Variants in GRIK2 observed in about 807,000 individuals in gnomAD.
GRIK2 encodes the protein glutamate ionotropic receptor kainate type subunit 2, also known as glutamate receptor ionotropic, kainate 2.
A neutral mutation model predicts 100.3 loss-of-function variants in GRIK2; 32 were observed. That is an observed-to-expected ratio of 0.32 (90% CI 0.24 to 0.43). GRIK2 has a LOEUF of 0.43. Ranked by LOEUF, GRIK2 falls within the 20% of genes least tolerant of loss-of-function variation. The pLI is 1.00. For synonymous variants in GRIK2, 417 were observed against 389.4 expected (o/e 1.07, Z -0.83); for missense variants, 843 against 1,114.9 (o/e 0.76, Z 3.47).
chr6:101,827,492 A>C (rs1408767), intron 10 of GRIK2, among the ~76,000 whole-genome samples: 17,225 of 148,416 alleles, frequency 0.12, 2,003 homozygotes, highest in East Asian at 0.65. Flanking sequence ...CAAAACAAAA[A>C]AAAACCAATA....
At chr6:101,593,379 A>G (rs1040711072) in intron 2 of GRIK2, among the ~76,000 whole-genome samples, 1 of 151,848 alleles carries the variant, frequency 6.6e-6, no homozygotes, top group African/African-American at 2.4e-5. Flanking sequence ...TGTAATGAGC[A>G]TCATAATAAT....
chr6:101,568,488 C>G (rs1446712403), intron 2 of GRIK2, among the ~76,000 whole-genome samples: 1 of 151,962 alleles, frequency 6.6e-6, no homozygotes, highest in Non-Finnish European at 1.5e-5. Context: ...CATGACTATC[C>G]CTTCTTCTGT....
rs546090242 is a variant in GRIK2 at position 101,769,518 on chromosome 6, T to C, written c.952-30130T>C. Among the ~76,000 whole-genome samples the C allele has an allele frequency of 2.0e-5, 3 of 152,294 alleles. No individual in the cohort carries two copies. The East Asian group carries it at 5.8e-4, about 29-fold the overall frequency. On this transcript the variant is annotated intron_variant, in intron 7 of 16. Transcript: ENST00000369134. ...CTGAGCTTCATTGGACATACTCAGG[T>C]GCTATGATAGCTATTTGAGTAAATG...
intron 7 of GRIK2, among the ~76,000 whole-genome samples, chr6:101,738,548 A>G (rs1302472867): frequency 6.6e-6 from 1 of 151,986 alleles, no homozygotes; most frequent in South Asian, 2.1e-4. Flanking sequence ...TCCCATTCCT[A>G]CTTTATCCTT....
intron 2 of GRIK2, among the ~76,000 whole-genome samples, chr6:101,451,697 G>T (rs762281153): frequency 5.1e-4 from 24 of 46,626 alleles, no homozygotes; most frequent in East Asian, 1.3e-3. Context: ...TATCTCTGAG[G>T]GGGGGGGGGG....
chr6:101,395,703 A>T (rs528883934), intron 1 of GRIK2, among the ~76,000 whole-genome samples: 27 of 152,340 alleles, frequency 1.8e-4, no homozygotes, highest in African/African-American at 5.5e-4. Context: ...TGTTGGAAGA[A>T]GCTTTGCATT....
chr6:101,564,959 A>C (rs1295992827), intron 2 of GRIK2, among the ~76,000 whole-genome samples: 1 of 152,160 alleles, frequency 6.6e-6, no homozygotes, highest in Non-Finnish European at 1.5e-5. Flanking sequence ...TCCCTCCTGC[A>C]ATAGTCTCAT....
At chr6:101,794,866 A>AT (rs554125741) in intron 7 of GRIK2, among the ~76,000 whole-genome samples, 5,682 of 134,742 alleles carry the variant, frequency 0.042, 270 homozygotes, top group African/African-American at 0.12. Context: ...GCTTGTTTCA[A>AT]TTTTTTTTTT....
intron 2 of GRIK2, among the ~76,000 whole-genome samples, chr6:101,420,001 C>T (rs939120656): frequency 2.6e-5 from 4 of 152,188 alleles, no homozygotes; most frequent in Admixed American, 2.0e-4. Flanking sequence ...TGTATTCTAA[C>T]CTCTAGAGTG....
intron 2 of GRIK2, among the ~76,000 whole-genome samples, chr6:101,571,397 A>G (rs1052502146): frequency 6.6e-5 from 10 of 152,160 alleles, no homozygotes; most frequent in Non-Finnish European, 1.5e-4. Context: ...CATGTTTTCA[A>G]TTCACATTTA....
At chr6:101,770,059 A>G (rs1778301160) in intron 7 of GRIK2, among the ~76,000 whole-genome samples, 1 of 152,028 alleles carries the variant, frequency 6.6e-6, no homozygotes, top group Non-Finnish European at 1.5e-5. Context: ...AAGAATGGTA[A>G]CCTTCTCTTT....
chr6:101,750,366 G>A (rs1003444897), intron 7 of GRIK2, among the ~76,000 whole-genome samples: 1 of 152,130 alleles, frequency 6.6e-6, no homozygotes, highest in Non-Finnish European at 1.5e-5. Flanking sequence ...CAGATTTTGT[G>A]ATGTGTCCAT....
chr6:102,016,168 G>T (rs1187343717), intron 14 of GRIK2, among the ~76,000 whole-genome samples: 1 of 152,104 alleles, frequency 6.6e-6, no homozygotes, highest in African/African-American at 2.4e-5. Context: ...TGAAATGACA[G>T]AAATAGAATT....
chr6:101,775,603 A>G (rs184865773), intron 7 of GRIK2, among the ~76,000 whole-genome samples: 1 of 151,486 alleles, frequency 6.6e-6, no homozygotes, highest in Admixed American at 6.6e-5. Context: ...ATAATAAACT[A>G]TAAATTCATT....
intron 11 of GRIK2, among the ~76,000 whole-genome samples, chr6:101,867,702 TAATA>T (rs1248369404): frequency 6.6e-6 from 1 of 151,600 alleles, no homozygotes; most frequent in South Asian, 2.1e-4. Context: ...AGTACTAATA[TAATA>T]AAGAATGTCT....
chr6:101,707,065 A>G (rs1411269596), intron 7 of GRIK2, among the ~76,000 whole-genome samples: 1 of 151,894 alleles, frequency 6.6e-6, no homozygotes, highest in African/African-American at 2.4e-5. Context: ...AGGTAAGAGA[A>G]TGAAGATGGA....
intron 9 of GRIK2, among the ~76,000 whole-genome samples, chr6:101,812,367 C>T (rs55667942): frequency 0.089 from 13,427 of 151,518 alleles, 1,598 homozygotes; most frequent in African/African-American, 0.28. Context: ...TGAAATGTTT[C>T]GTTTTGTGAA....
intron 12 of GRIK2, among the ~76,000 whole-genome samples, chr6:101,909,981 T>C (rs1221597669): frequency 9.1e-6 from 1 of 109,884 alleles, no homozygotes; most frequent in Non-Finnish European, 1.9e-5. Context: ...TGAGAACAGA[T>C]AAACTGATAG....
At chr6:101,725,424 A>G (rs1473375309) in intron 7 of GRIK2, among the ~76,000 whole-genome samples, 4 of 152,034 alleles carry the variant, frequency 2.6e-5, no homozygotes, top group African/African-American at 9.7e-5. Flanking sequence ...ATTGTCTTAT[A>G]GTAGAAGAAG....
Sources: gnomAD v4.1 joint callset for allele counts (sites outside exome capture counted in the v4.1 genomes callset) on GRCh38, gnomAD v4.1.1 for gene constraint, MANE v1.5 for transcripts, NCBI Gene and HGNC (gene_info 2026-07-23, HGNC 2026-07-21) for gene names.